Variants in ERC2 observed in about 807,000 individuals in gnomAD.
The protein encoded by ERC2 is ERC protein 2.
A neutral mutation model predicts 114.8 loss-of-function variants in ERC2; 42 were observed. The ratio of observed to expected loss-of-function variants is 0.37; its 90% CI spans 0.29 to 0.47. The LOEUF (loss-of-function observed/expected upper bound fraction) is 0.47, where lower values mean the gene tolerates loss of function less well. ERC2 is among the 20% of genes least tolerant of loss of function. ERC2 has a pLI of 0.99. For missense variants in ERC2, 939 were observed against 1,150.7 expected (o/e 0.82, Z 2.66); for synonymous variants, 454 against 425.5 (o/e 1.07, Z -0.82).
chr3:55,850,891 C>CACACACACAT (rs3221909), intron 14 of ERC2, among the ~76,000 whole-genome samples: 7 of 150,186 alleles, frequency 4.7e-5, no homozygotes, highest in Non-Finnish European at 4.4e-5. Flanking sequence ...CACACACACA[C>CACACACACAT]GAGAGAACCA....
intron 13 of ERC2, among the ~76,000 whole-genome samples, chr3:55,931,679 C>A (rs1186879941): frequency 2.6e-5 from 4 of 151,934 alleles, no homozygotes; most frequent in African/African-American, 7.3e-5. Context: ...TGCAGCAAAC[C>A]AGCATGGCAC....
chr3:55,750,760 A>G (rs1479832248), intron 14 of ERC2, among the ~76,000 whole-genome samples: 2 of 152,250 alleles, frequency 1.3e-5, no homozygotes, highest in African/African-American at 4.8e-5. Flanking sequence ...ATGTGGTCAA[A>G]TAAAGAATGC....
At chr3:56,271,944 T>G (rs373629608) in intron 3 of ERC2, among the ~76,000 whole-genome samples, 1 of 152,202 alleles carries the variant, frequency 6.6e-6, no homozygotes, top group African/African-American at 2.4e-5. Context: ...TTTATGGCTG[T>G]GTAGTATTCT....
chr3:55,657,501 G>C (rs2060925673), intron 17 of ERC2: 1 of 152,076 alleles, frequency 6.6e-6, no homozygotes, highest in South Asian at 2.1e-4. Context: ...TGTCGCCTAG[G>C]CTGGAATGCA....
At chr3:56,121,266 T>C (rs2079559022) in intron 6 of ERC2, among the ~76,000 whole-genome samples, 1 of 152,248 alleles carries the variant, frequency 6.6e-6, no homozygotes, top group Non-Finnish European at 1.5e-5. Flanking sequence ...CTTTCTCGGT[T>C]CATCGATCTT....
chr3:55,676,441 C>CTTATTATTATCATTA (rs2061815847), intron 17 of ERC2, among the ~76,000 whole-genome samples: 1 of 142,200 alleles, frequency 7.0e-6, no homozygotes, highest in Non-Finnish European at 1.5e-5. Flanking sequence ...TACTGAGCTG[C>CTTATTATTATCATTA]TTATTATTAT....
chr3:56,115,949 C>T (rs993819350), intron 6 of ERC2, among the ~76,000 whole-genome samples: 2 of 152,184 alleles, frequency 1.3e-5, no homozygotes, highest in Non-Finnish European at 2.9e-5. Flanking sequence ...CCCTTAGGCC[C>T]CATGCAGAGC....
chr3:55,701,425 T>C (rs1263798001), intron 15 of ERC2, among the ~76,000 whole-genome samples: 1 of 152,204 alleles, frequency 6.6e-6, no homozygotes, highest in East Asian at 1.9e-4. Flanking sequence ...TAAAATGCTT[T>C]GATTCTGTTA....
intron 4 of ERC2, among the ~76,000 whole-genome samples, chr3:56,170,585 GTTTTTTTTTTTTTTTTTTT>G (rs1178172687): frequency 1.6e-5 from 1 of 61,764 alleles, no homozygotes; most frequent in East Asian, 5.1e-4. Context: ...AATCTCTTCT[GTTTTTTTTTTTTTTTTTTT>G]TTTTTTTTTT....
chr3:55,712,265 A>G (rs1020369874), intron 15 of ERC2, among the ~76,000 whole-genome samples: 1 of 152,192 alleles, frequency 6.6e-6, no homozygotes, highest in Non-Finnish European at 1.5e-5. Context: ...AGGTGGGAAG[A>G]GGGCACATAA....
At chr3:56,248,305 A>G (rs1387577178) in intron 3 of ERC2, among the ~76,000 whole-genome samples, 4 of 152,112 alleles carry the variant, frequency 2.6e-5, no homozygotes, top group Non-Finnish European at 5.9e-5. Flanking sequence ...TATTGCCCAG[A>G]CTGGTCTTGA....
intron 2 of ERC2, among the ~76,000 whole-genome samples, chr3:56,350,056 C>A (rs2058492100): frequency 6.6e-6 from 1 of 152,020 alleles, no homozygotes; most frequent in African/African-American, 2.4e-5. Context: ...TAAAATAAAA[C>A]TTAAAAAGAA....
intron 3 of ERC2, among the ~76,000 whole-genome samples, chr3:56,252,157 A>G (rs1290586988): frequency 2.0e-5 from 3 of 152,202 alleles, no homozygotes; most frequent in Non-Finnish European, 4.4e-5. Context: ...CTAAGTGCCT[A>G]TTAGGCTTGG....
At chr3:56,316,480 A>C (rs2056869110) in intron 2 of ERC2, among the ~76,000 whole-genome samples, 1 of 152,184 alleles carries the variant, frequency 6.6e-6, no homozygotes, top group African/African-American at 2.4e-5. Context: ...TCCTGAATTC[A>C]AGCAAGAAAT....
intron 3 of ERC2, among the ~76,000 whole-genome samples, chr3:56,244,545 T>G (rs1176995454): frequency 6.6e-6 from 1 of 152,042 alleles, no homozygotes; most frequent in Non-Finnish European, 1.5e-5. Flanking sequence ...AACAGTGATG[T>G]TGATGATCCT....
chr3:55,725,290 A>C (rs542230755), intron 15 of ERC2, among the ~76,000 whole-genome samples: 1 of 152,326 alleles, frequency 6.6e-6, no homozygotes, highest in African/African-American at 2.4e-5. Flanking sequence ...ATACTTAAAA[A>C]GCAAAGAGTG....
intron 15 of ERC2, among the ~76,000 whole-genome samples, chr3:55,705,312 C>T (rs941878300): frequency 6.1e-4 from 93 of 152,148 alleles, no homozygotes; most frequent in Middle Eastern, 3.4e-3. Context: ...CTGGGGAGAT[C>T]GCACAGTAAA....
intron 5 of ERC2, among the ~76,000 whole-genome samples, chr3:56,143,153 C>T (rs371337843): frequency 6.6e-6 from 1 of 152,194 alleles, no homozygotes; most frequent in African/African-American, 2.4e-5. Context: ...TTTGCCTCTG[C>T]ACTAGCAGTA....
intron 17 of ERC2, among the ~76,000 whole-genome samples, chr3:55,632,028 C>A (rs979305374): frequency 7.9e-5 from 12 of 152,184 alleles, no homozygotes; most frequent in African/African-American, 2.9e-4. Flanking sequence ...GGAGGAACTG[C>A]GATTGCAACC....
Sources: allele counts gnomAD v4.1 joint callset (sites outside exome capture counted in the v4.1 genomes callset), GRCh38; gene constraint gnomAD v4.1.1; transcripts MANE v1.5; gene names NCBI Gene and HGNC (gene_info 2026-07-23, HGNC 2026-07-21).